The following UBN2 variants were observed in gnomAD, a reference collection of about 807,000 sequenced individuals.
The protein encoded by UBN2 is ubinuclein-2.
UBN2 carries 35 observed loss-of-function variants against 120.2 expected under a neutral mutation model. The observed-to-expected ratio is 0.29, with a 90% CI of 0.22 to 0.39. The LOEUF is 0.39. Among genes scored for constraint, UBN2 ranks in the 10% least tolerant of loss-of-function variants. UBN2 has a pLI of 1.00. For synonymous variants in UBN2, 661 were observed against 648.7 expected, an observed-to-expected ratio of 1.02 and a Z score of -0.29; for missense variants, 1,693 against 1,663.2, an observed-to-expected ratio of 1.02 and a Z score of -0.31.
At chr7:139,288,293 AT>A (rs1797847530) in intron 15 of UBN2, among the ~76,000 whole-genome samples, 1 of 152,200 alleles carries the variant, frequency 6.6e-6, no homozygotes, top group Admixed American at 6.5e-5. Context: ...GATAAAAGTG[AT>A]TGCTGCTAAC....
intron 3 of UBN2, among the ~76,000 whole-genome samples, chr7:139,255,175 A>G (rs185523844): frequency 6.6e-6 from 1 of 152,318 alleles, no homozygotes; most frequent in East Asian, 1.9e-4. Flanking sequence ...CCTTTTCCAG[A>G]ATGTCTTATA....
chr7:139,267,526 ACT>A (rs1356865462), intron 7 of UBN2, among the ~76,000 whole-genome samples: 5 of 150,286 alleles, frequency 3.3e-5, no homozygotes, highest in Non-Finnish European at 7.4e-5. Flanking sequence ...ATAGGGTGAG[ACT>A]CTGTCTCCAA....
chr7:139,269,072 G>T (rs1797184631), intron 7 of UBN2, among the ~76,000 whole-genome samples: 3 of 152,076 alleles, frequency 2.0e-5, no homozygotes, highest in Non-Finnish European at 4.4e-5. Context: ...AGCTGGGCAT[G>T]GTGGCGGGTG....
rs1554474296 is a variant in UBN2, at chr7:139,272,494, T to TATG, written c.1715+54_1715+55insATG. ...TTTGCATTTGAGAAGTGTATGTACG[T>TATG]TATGTATGTATGTATGTATGTATGT... On this transcript the variant is annotated intron_variant, in intron 9 of 17. Transcript: ENST00000473989. The TATG allele has an allele frequency of 3.7e-5, 41 of 1,105,088 alleles. No individual in the cohort carries two copies. In the African/African-American group the frequency reaches 4.8e-4, roughly 13 times the overall value. The allele number at this position is 1,105,088 out of a possible 1,614,324, so 68.5% of individuals were successfully genotyped here. A position where few individuals can be genotyped will look rare whatever the true frequency, so the allele number is the denominator to read the frequency against.
chr7:139,254,333 T>C (rs2130965486), intron 3 of UBN2, among the ~76,000 whole-genome samples: 1 of 152,236 alleles, frequency 6.6e-6, no homozygotes, highest in East Asian at 1.9e-4. Flanking sequence ...CGACATAAAC[T>C]TATTTACCAT....
the UBN2 span, among the ~76,000 whole-genome samples, chr7:139,313,609 A>T: frequency 1.3e-5 from 2 of 152,274 alleles, no homozygotes; most frequent in East Asian, 3.9e-4. Context: ...ACTATGCTAA[A>T]CAGTAATGGG....
chr7:139,247,622 A>C (rs761570534), intron 2 of UBN2, among the ~76,000 whole-genome samples: 1 of 152,192 alleles, frequency 6.6e-6, no homozygotes. Flanking sequence ...GATTGTACTT[A>C]GTATAGGATC....
At chr7:139,235,872 A>G (rs973516771) in intron 1 of UBN2, among the ~76,000 whole-genome samples, 1 of 152,114 alleles carries the variant, frequency 6.6e-6, no homozygotes, top group African/African-American at 2.4e-5. Flanking sequence ...ACATTTTTCT[A>G]TCATGTTTTT....
At chr7:139,272,231 A>G (rs1406848180) in intron 8 of UBN2, 91 bp from the exon 9 acceptor site, 4 of 840,056 alleles carry the variant, frequency 4.8e-6, no homozygotes, top group Non-Finnish European at 5.6e-6. Flanking sequence ...TATAATTGGT[A>G]TCTAAAACAT....
chr7:139,324,039 G>T, the UBN2 span, among the ~76,000 whole-genome samples: 1 of 152,024 alleles, frequency 6.6e-6, no homozygotes, highest in Non-Finnish European at 1.5e-5. Context: ...GTACTGTGTG[G>T]TAGCAGACTT....
intron 15 of UBN2, among the ~76,000 whole-genome samples, chr7:139,290,080 G>A (rs958583725): frequency 6.6e-6 from 1 of 151,856 alleles, no homozygotes; most frequent in African/African-American, 2.4e-5. Flanking sequence ...TGTATTAATG[G>A]ATTAATTATT....
intron 2 of UBN2, among the ~76,000 whole-genome samples, chr7:139,248,114 A>G (rs1796521286): frequency 6.6e-6 from 1 of 152,190 alleles, no homozygotes; most frequent in African/African-American, 2.4e-5. Context: ...TTAAATTCTG[A>G]TATCTTAACA....
chr7:139,322,746 A>G, the UBN2 span, among the ~76,000 whole-genome samples: 1 of 150,684 alleles, frequency 6.6e-6, no homozygotes, highest in Admixed American at 6.7e-5. Context: ...GTTGACCAGG[A>G]TGGTCTCAGT....
chr7:139,269,298 TAAAATG>T (rs1476674235), intron 7 of UBN2, 90 bp from the exon 8 acceptor site: 2 of 1,278,340 alleles, frequency 1.6e-6, no homozygotes, highest in Non-Finnish European at 2.1e-6. Flanking sequence ...CATGAAAAGA[TAAAATG>T]AGAACAAGAA....
intron 2 of UBN2, among the ~76,000 whole-genome samples, chr7:139,245,975 A>G (rs1306852564): frequency 6.6e-6 from 1 of 152,204 alleles, no homozygotes; most frequent in Admixed American, 6.5e-5. Flanking sequence ...AAGGGTTTTC[A>G]ATTCTTATAG....
chr7:139,246,734 C>T (rs1584991181), intron 2 of UBN2, among the ~76,000 whole-genome samples: 1 of 152,168 alleles, frequency 6.6e-6, no homozygotes, highest in Admixed American at 6.5e-5. Context: ...CCTCTGGCAT[C>T]CTCTGATCTG....
At chr7:139,244,741 A>T (rs890865541) in intron 2 of UBN2, among the ~76,000 whole-genome samples, 2 of 152,064 alleles carry the variant, frequency 1.3e-5, no homozygotes, top group African/African-American at 2.4e-5. Flanking sequence ...TATCCTGTTC[A>T]TATGATAGTG....
chr7:139,309,571 A>G (rs1168863951), downstream of UBN2, among the ~76,000 whole-genome samples: 1 of 152,236 alleles, frequency 6.6e-6, no homozygotes, highest in East Asian at 1.9e-4. Flanking sequence ...TATTTTACCT[A>G]GAGTATTTGG....
At chr7:139,239,006 T>G (rs773576129) in intron 2 of UBN2, among the ~76,000 whole-genome samples, 8 of 152,224 alleles carry the variant, frequency 5.3e-5, no homozygotes, top group Non-Finnish European at 8.8e-5. Flanking sequence ...TTGGTTACAC[T>G]TAATGTTTTA....
Sources: gnomAD v4.1 joint callset for allele counts (sites outside exome capture counted in the v4.1 genomes callset) on GRCh38, gnomAD v4.1.1 for gene constraint, MANE v1.5 for transcripts, NCBI Gene and HGNC (gene_info 2026-07-23, HGNC 2026-07-21) for gene names.